COL10A1: variants seen among roughly 807,000 people sequenced by gnomAD.
COL10A1 encodes the protein collagen alpha-1(X) chain.
Under a neutral mutation model 18.2 loss-of-function variants are expected in COL10A1, and 10 were observed. The ratio of observed to expected loss-of-function variants is 0.55; its 90% CI spans 0.34 to 0.93. The LOEUF (loss-of-function observed/expected upper bound fraction) is 0.93, where lower values mean the gene tolerates loss of function less well. COL10A1 is among the 40% of genes least tolerant of loss of function. The pLI is 0.02. For synonymous variants in COL10A1, 330 were observed against 316.6 expected, an observed-to-expected ratio of 1.04 and a Z score of -0.45; for missense variants, 897 against 853.5, an observed-to-expected ratio of 1.05 and a Z score of -0.64.
At chr6:116,202,489 C>A in the COL10A1 span, among the ~76,000 whole-genome samples, 3 of 151,908 alleles carry the variant, frequency 2.0e-5, no homozygotes, top group Admixed American at 2.0e-4. Context: ...GAGTTTCAAC[C>A]TTTAGAAAAT....
intron 1 of COL10A1, among the ~76,000 whole-genome samples, chr6:116,140,920 A>C (rs9320557): frequency 0.51 from 77,542 of 151,942 alleles, 20,908 homozygotes; most frequent in African/African-American, 0.69. Flanking sequence ...CTGCTCTGAA[A>C]CTTCTTGTAC....
At chr6:116,155,100 T>C (rs547104745) in intron 1 of COL10A1, among the ~76,000 whole-genome samples, 1 of 152,314 alleles carries the variant, frequency 6.6e-6, no homozygotes, top group East Asian at 1.9e-4. Flanking sequence ...TTGCGGTTTT[T>C]GCCATTACTT....
intron 1 of COL10A1, among the ~76,000 whole-genome samples, chr6:116,154,594 G>C (rs760618272): frequency 5.9e-5 from 9 of 152,146 alleles, no homozygotes; most frequent in Non-Finnish European, 1.0e-4. Context: ...GTGAGGTGGT[G>C]TTTAAAACAG....
upstream of COL10A1, among the ~76,000 whole-genome samples, chr6:116,161,602 C>A (rs1225156068): frequency 1.3e-5 from 2 of 151,998 alleles, no homozygotes; most frequent in Non-Finnish European, 2.9e-5. Context: ...TATTTTTGTA[C>A]CAGTAGCATG....
intron 1 of COL10A1, among the ~76,000 whole-genome samples, chr6:116,154,382 A>C (rs916160158): frequency 2.0e-5 from 3 of 152,134 alleles, no homozygotes; most frequent in African/African-American, 7.2e-5. Context: ...GTTTCCCCTC[A>C]GAAGGAGACA....
At chr6:116,202,844 T>G in the COL10A1 span, among the ~76,000 whole-genome samples, 1 of 152,074 alleles carries the variant, frequency 6.6e-6, no homozygotes, top group Admixed American at 6.6e-5. Flanking sequence ...GTGACAGTTC[T>G]TAATTACCTC....
chr6:116,184,854 T>G, the COL10A1 span, among the ~76,000 whole-genome samples: 1 of 152,072 alleles, frequency 6.6e-6, no homozygotes. Context: ...TTATGTTTTG[T>G]AATTTTTTTT....
the COL10A1 span, among the ~76,000 whole-genome samples, chr6:116,178,052 A>AGTGTGTGTGTGTGTGTGT: frequency 6.2e-4 from 85 of 136,404 alleles, no homozygotes; most frequent in African/African-American, 1.0e-3. Flanking sequence ...CAAAGAGGAA[A>AGTGTGTGTGTGTGTGTGT]GTGTGTGTGT....
chr6:116,121,660 A>G lies in COL10A1; in HGVS notation c.456T>C (p.Ile152=), dbSNP rs572738023. The change falls in exon 3 of 3, where the codon ATT becomes ATC. Residue 152 remains isoleucine, a synonymous_variant. Coordinates refer to ENST00000651968, the MANE Select transcript of COL10A1 (RefSeq NM_000493.4). The part of the protein sequence containing the change: ...GPPGIPGPAG[I]SVPGKPGQQG... ...GTTGTCCAGGTTTTCCTGGCACAGA[A>G]ATTCCAGCCGGTCCAGGGATTCCAG... 8.9e-5 allele frequency: 143 copies of G among 1,613,568 alleles called. No homozygotes were observed. The highest frequency in any genetic ancestry group is 1.2e-4 in the Non-Finnish European group (137 of 1,179,792).
chr6:116,145,789 T>G (rs1172080132), intron 1 of COL10A1, among the ~76,000 whole-genome samples: 3 of 152,228 alleles, frequency 2.0e-5, no homozygotes, highest in Non-Finnish European at 2.9e-5. Context: ...AGTTTTTAAT[T>G]TACTATTTTA....
At chr6:116,128,539 C>T (rs1779382839), upstream of COL10A1, among the ~76,000 whole-genome samples, 1 of 152,042 alleles carries the variant, frequency 6.6e-6, no homozygotes, top group Non-Finnish European at 1.5e-5. Flanking sequence ...TGGCAGTTAG[C>T]TACTATTAAG....
intron 1 of COL10A1, among the ~76,000 whole-genome samples, chr6:116,138,591 C>T (rs1435696532): frequency 6.6e-6 from 1 of 152,048 alleles, no homozygotes; most frequent in Non-Finnish European, 1.5e-5. Context: ...GTTTTTATTT[C>T]GAAGAAGTGT....
intron 1 of COL10A1, among the ~76,000 whole-genome samples, chr6:116,146,587 T>C (rs988162140): frequency 6.6e-6 from 1 of 152,216 alleles, no homozygotes; most frequent in African/African-American, 2.4e-5. Context: ...TTAAATGAAT[T>C]AAATAGGAAT....
the COL10A1 span, among the ~76,000 whole-genome samples, chr6:116,181,175 A>G: frequency 6.6e-6 from 1 of 152,078 alleles, no homozygotes; most frequent in African/African-American, 2.4e-5. Context: ...TCACCTCTCT[A>G]CTGTTACATG....
At chr6:116,188,784 T>G in the COL10A1 span, among the ~76,000 whole-genome samples, 6 of 151,868 alleles carry the variant, frequency 4.0e-5, no homozygotes, top group Non-Finnish European at 7.4e-5. Flanking sequence ...ATGTTTTTTG[T>G]CTTTTCTATG....
At chr6:116,122,048 G>A (rs1353244588) in intron 2 of COL10A1, 87 bp from the exon 3 acceptor site, 52 of 1,125,674 alleles carry the variant, frequency 4.6e-5, no homozygotes, top group Non-Finnish European at 4.5e-5. Flanking sequence ...CTATGAATTG[G>A]GACACGATAT....
upstream of COL10A1, among the ~76,000 whole-genome samples, chr6:116,128,088 A>G (rs567475188): frequency 4.1e-4 from 63 of 152,286 alleles, 1 homozygote; most frequent in African/African-American, 1.4e-3. Flanking sequence ...AGACACAAAA[A>G]AATCCATACC....
At chr6:116,199,356 A>G in the COL10A1 span, among the ~76,000 whole-genome samples, 1 of 152,122 alleles carries the variant, frequency 6.6e-6, no homozygotes, top group African/African-American at 2.4e-5. Context: ...GTCAAAGGAC[A>G]GGGAACTACC....
At chr6:116,163,233 GT>G (rs1347560810), upstream of COL10A1, among the ~76,000 whole-genome samples, 3 of 146,874 alleles carry the variant, frequency 2.0e-5, no homozygotes, top group Admixed American at 6.8e-5. Flanking sequence ...CTGGTCCTGG[GT>G]TTTTTTTTGT....
Sources: gnomAD v4.1 joint callset for allele counts (sites outside exome capture counted in the v4.1 genomes callset) on GRCh38, gnomAD v4.1.1 for gene constraint, MANE v1.5 for transcripts, NCBI Gene and HGNC (gene_info 2026-07-23, HGNC 2026-07-21) for gene names.